Variants in DOCK3 observed in about 807,000 individuals in gnomAD.
DOCK3 encodes dedicator of cytokinesis 3.
Under a neutral mutation model 265.6 loss-of-function variants are expected in DOCK3, and 60 were observed. That is an observed-to-expected ratio of 0.23 (90% CI 0.18 to 0.28). DOCK3 has a LOEUF of 0.28. Ranked by LOEUF, DOCK3 falls within the 10% of genes least tolerant of loss-of-function variation. The probability of loss-of-function intolerance (pLI) is 1.00; values close to 1 mark genes in which losing one functional copy is unlikely to be tolerated. For missense variants in DOCK3, 1,981 were observed against 2,594.3 expected (o/e 0.76, Z 5.14); for synonymous variants, 881 against 938.0 (o/e 0.94, Z 1.11).
intron 2 of DOCK3, among the ~76,000 whole-genome samples, chr3:50,835,590 A>G (rs991258970): frequency 3.9e-5 from 6 of 152,218 alleles, no homozygotes; most frequent in Non-Finnish European, 7.3e-5. Flanking sequence ...ATATAAATAC[A>G]CAGACAGAAG....
intron 27 of DOCK3, among the ~76,000 whole-genome samples, chr3:51,294,129 T>G (rs529142782): frequency 6.6e-6 from 1 of 152,326 alleles, no homozygotes; most frequent in East Asian, 1.9e-4. Context: ...GTCAAAGAGA[T>G]ATGTACACTC....
At chr3:50,740,406 A>G (rs1004146414) in intron 1 of DOCK3, among the ~76,000 whole-genome samples, 1 of 152,130 alleles carries the variant, frequency 6.6e-6, no homozygotes, top group Non-Finnish European at 1.5e-5. Flanking sequence ...CGGTTAAATT[A>G]TGTGGTAGGT....
chr3:50,747,572 G>A (rs1419569633), intron 1 of DOCK3, among the ~76,000 whole-genome samples: 1 of 151,948 alleles, frequency 6.6e-6, no homozygotes, highest in East Asian at 1.9e-4. Flanking sequence ...TGTTTAAATG[G>A]TATTGTTCTG....
chr3:51,068,633 C>T (rs2081717948), intron 6 of DOCK3, among the ~76,000 whole-genome samples: 1 of 151,136 alleles, frequency 6.6e-6, no homozygotes, highest in Non-Finnish European at 1.5e-5. Flanking sequence ...AACCTAGGCT[C>T]AAAGGCACTT....
intron 1 of DOCK3, among the ~76,000 whole-genome samples, chr3:50,701,120 G>A (rs2036008836): frequency 2.0e-5 from 3 of 148,918 alleles, no homozygotes; most frequent in African/African-American, 4.9e-5. Context: ...GATCCTTTGT[G>A]GCCCTTGTTT....
Position 51,089,099 on chromosome 3 carries a change from A to G in DOCK3, c.550-144A>G, listed in dbSNP as rs182148751. 8.9e-6 allele frequency: 8 copies of G among 899,692 alleles called. No individual in the cohort carries two copies. The Admixed American group carries it at 1.3e-4, about 15-fold the overall frequency. 55.7% of individuals were successfully genotyped at this position (899,692 alleles called of 1,614,324 possible). A position where few individuals can be genotyped will look rare whatever the true frequency, so the allele number is the denominator to read the frequency against. ...CCTTAGTTGTCTCCACCAAATACGA[A>G]TAACACTTATTTTACAAAGTTATCA... is the stretch of plus-strand genomic sequence containing the variant. On this transcript the variant is annotated intron_variant, in intron 7 of 52. Transcript: ENST00000266037.
intron 1 of DOCK3, among the ~76,000 whole-genome samples, chr3:50,690,780 C>T (rs1446417188): frequency 4.6e-5 from 7 of 151,610 alleles, no homozygotes; most frequent in Non-Finnish European, 1.5e-5. Flanking sequence ...GTAGCTGGGA[C>T]TACAGGCAGG....
At chr3:50,743,138 G>A (rs375800826) in intron 1 of DOCK3, among the ~76,000 whole-genome samples, 4 of 148,780 alleles carry the variant, frequency 2.7e-5, no homozygotes, top group Non-Finnish European at 3.0e-5. Flanking sequence ...AGACAAGCAA[G>A]TGCTGAGAGA....
chr3:51,341,129 A>C (rs1190318355), intron 37 of DOCK3, 108 bp from the exon 38 acceptor site: 1 of 1,368,020 alleles, frequency 7.3e-7, no homozygotes, highest in Non-Finnish European at 9.7e-7. Context: ...CCTGGGCTGC[A>C]CATGACTTGC....
intron 1 of DOCK3, among the ~76,000 whole-genome samples, chr3:50,765,071 G>A (rs1344236605): frequency 1.0e-5 from 1 of 99,458 alleles, no homozygotes; most frequent in East Asian, 3.3e-4. Context: ...CACTTTCTTA[G>A]GTTTTTTTTT....
chr3:50,982,238 A>C (rs761358656), intron 5 of DOCK3, among the ~76,000 whole-genome samples: 1 of 152,172 alleles, frequency 6.6e-6, no homozygotes, highest in Non-Finnish European at 1.5e-5. Flanking sequence ...TGTATATTTT[A>C]AGTGGGGAAT....
At position 50,861,644 on chromosome 3, in the gene DOCK3, T is replaced by C. The variant is rs1442350191; in HGVS notation, c.162+19929T>C. On this transcript the variant is annotated intron_variant, in intron 3 of 52. Transcript: ENST00000266037. ...GTATATATTTGAGATAGTTAAATCT[T>C]CTTTTGAATTGAACCGCTTTATCAT... 1.3e-5 allele frequency among the ~76,000 whole-genome samples: 2 copies of C among 152,204 alleles called. 1 individual carries two copies. Among genetic ancestry groups the C allele is most frequent in the African/African-American group, 4.8e-5 (2 of 41,444 alleles).
intron 38 of DOCK3, among the ~76,000 whole-genome samples, chr3:51,345,714 C>T (rs1431608128): frequency 6.6e-6 from 1 of 152,096 alleles, no homozygotes; most frequent in African/African-American, 2.4e-5. Context: ...TTTAATTGGT[C>T]CTGCAGTTTC....
chr3:50,855,280 TGTGTC>T (rs1233581974), intron 3 of DOCK3, among the ~76,000 whole-genome samples: 1 of 152,240 alleles, frequency 6.6e-6, no homozygotes, highest in African/African-American at 2.4e-5. Flanking sequence ...TCCATTTGTT[TGTGTC>T]ATCTATGATT....
At chr3:51,059,607 C>T (rs939709421) in intron 5 of DOCK3, among the ~76,000 whole-genome samples, 2 of 152,068 alleles carry the variant, frequency 1.3e-5, no homozygotes, top group African/African-American at 2.4e-5. Flanking sequence ...TGTTTTATAT[C>T]GTTTGCTCTA....
At chr3:51,312,801 A>C (rs762216919) in intron 30 of DOCK3, 43 bp from the exon 31 acceptor site, 1 of 1,582,318 alleles carries the variant, frequency 6.3e-7, no homozygotes, top group Non-Finnish European at 8.6e-7. Flanking sequence ...ATCCTCCTGA[A>C]CCTTCTCCCA....
At chr3:50,713,186 G>C (rs1470028665) in intron 1 of DOCK3, among the ~76,000 whole-genome samples, 1 of 152,190 alleles carries the variant, frequency 6.6e-6, no homozygotes, top group African/African-American at 2.4e-5. Flanking sequence ...CTATAAAGGA[G>C]ACAAAGGATC....
At chr3:51,165,825 T>A (rs193133907) in intron 12 of DOCK3, among the ~76,000 whole-genome samples, 1 of 152,154 alleles carries the variant, frequency 6.6e-6, no homozygotes, top group African/African-American at 2.4e-5. Context: ...TGATACATAA[T>A]TTTTAATTCT....
chr3:50,832,268 A>G (rs575722772), intron 2 of DOCK3, among the ~76,000 whole-genome samples: 1 of 152,362 alleles, frequency 6.6e-6, no homozygotes, highest in East Asian at 1.9e-4. Context: ...CCTAGAAGAA[A>G]ACCTAGGTAG....
Sources: allele counts gnomAD v4.1 joint callset (sites outside exome capture counted in the v4.1 genomes callset), GRCh38; gene constraint gnomAD v4.1.1; transcripts MANE v1.5; gene names NCBI Gene and HGNC (gene_info 2026-07-23, HGNC 2026-07-21).